Variants in CORO2B observed in about 807,000 individuals in gnomAD.
CORO2B encodes the protein coronin-2B.
A neutral mutation model predicts 58.8 loss-of-function variants in CORO2B; 26 were observed. The observed-to-expected ratio is 0.44, with a 90% CI of 0.32 to 0.61. The LOEUF is 0.61. Ranked by LOEUF, CORO2B falls within the 20% of genes least tolerant of loss-of-function variation. The pLI is 0.04. For missense variants in CORO2B, 460 were observed against 645.1 expected (o/e 0.71, Z 3.11); for synonymous variants, 242 against 253.8 (o/e 0.95, Z 0.44).
chr15:68,637,233 TCTCA>T (rs1328512440), intron 1 of CORO2B, among the ~76,000 whole-genome samples: 1 of 152,230 alleles, frequency 6.6e-6, no homozygotes, highest in Non-Finnish European at 1.5e-5. Context: ...TGTTTGGCTT[TCTCA>T]TTTTACAAAG....
Position 68,727,540 on chromosome 15 carries a change from G to A in CORO2B, c.*1566G>A, listed in dbSNP as rs923513037. ...CCTGCTTTTCCCATGGCCGCCCTAC[G>A]GAAAATCCCATCCACAGAGGCCAGG... is the stretch of plus-strand genomic sequence containing the variant. On this transcript the variant is annotated 3_prime_UTR_variant, in exon 12 of 12. Coordinates refer to ENST00000261861, the MANE Select transcript of CORO2B (RefSeq NM_006091.5). 6.6e-6 allele frequency: 1 copy of A among 152,112 alleles called. No individual in the cohort carries two copies. Among genetic ancestry groups the A allele is most frequent in the Non-Finnish European group, 1.5e-5 (1 of 68,000 alleles). 9.4% of individuals were successfully genotyped at this position (152,112 alleles called of 1,614,324 possible). A position where few individuals can be genotyped will look rare whatever the true frequency, so the allele number is the denominator to read the frequency against.
chr15:68,621,904 A>G (rs1264650300), intron 1 of CORO2B, among the ~76,000 whole-genome samples: 1 of 151,794 alleles, frequency 6.6e-6, no homozygotes, highest in African/African-American at 2.4e-5. Flanking sequence ...CTATAGGCAC[A>G]TGCCACCATG....
At chr15:68,593,201 T>A (rs1237226760) in intron 1 of CORO2B, among the ~76,000 whole-genome samples, 1 of 152,234 alleles carries the variant, frequency 6.6e-6, no homozygotes, top group Admixed American at 6.5e-5. Context: ...CTCTTAATAC[T>A]GTTACATTGG....
rs746747208 is a variant in CORO2B, at chr15:68,710,932, G to A, written c.483+51G>A. 9 of 1,526,072 alleles carry A rather than the reference G, an allele frequency of 5.9e-6. No individual in the cohort carries two copies. Among genetic ancestry groups the A allele is most frequent in the Non-Finnish European group, 8.0e-6 (9 of 1,130,684 alleles). 94.5% of individuals were successfully genotyped at this position (1,526,072 alleles called of 1,614,324 possible). On this transcript the variant is annotated intron_variant, in intron 4 of 11. Transcript: ENST00000261861. This position sits in a 1 kb window ranked among gnomAD's most constrained non-coding sequence, Gnocchi z 4.1. ...GGAGAGGGATTGGGGAAGAGAAAGG[G>A]GCCTTTTGGGTACCCGTAGGAAGCA...
chr15:68,573,212 T>C, the CORO2B span, among the ~76,000 whole-genome samples: 24 of 151,656 alleles, frequency 1.6e-4, no homozygotes, highest in Admixed American at 1.4e-3. Context: ...GCATCCCCCA[T>C]GCCAAAGTCG....
chr15:68,593,121 C>T (rs1899745355), intron 1 of CORO2B, among the ~76,000 whole-genome samples: 1 of 152,134 alleles, frequency 6.6e-6, no homozygotes, highest in Admixed American at 6.6e-5. Flanking sequence ...AGCCCACTCC[C>T]AGGATAATCA....
chr15:68,550,914 G>T, the CORO2B span, among the ~76,000 whole-genome samples: 1 of 152,304 alleles, frequency 6.6e-6, no homozygotes, highest in East Asian at 1.9e-4. Flanking sequence ...CCCAGAGGGG[G>T]ACACCTGAGC....
chr15:68,722,276 CA>C (rs1893180168), intron 11 of CORO2B, among the ~76,000 whole-genome samples: 1 of 151,060 alleles, frequency 6.6e-6, no homozygotes, highest in South Asian at 2.1e-4. Flanking sequence ...TCAGAGCAGA[CA>C]AAACAGATGC....
In CORO2B at chr15:68,707,686, T is replaced by C. The variant is rs140892536; in HGVS notation, c.334-3046T>C. 1.1e-3 allele frequency among the ~76,000 whole-genome samples: 174 copies of C among 152,322 alleles called. 1 individual carries two copies. Among genetic ancestry groups the C allele is most frequent in the African/African-American group, 3.9e-3 (161 of 41,562 alleles). On this transcript the variant is annotated intron_variant, in intron 3 of 11. Transcript: ENST00000261861. The stretch of plus-strand genomic sequence containing the variant: ...GTAAAAAGAAAGAAGTGTGTGTGTC[T>C]ATATGTCTGTGTCTGCGATAGGTGG...
chr15:68,597,617 T>TC (rs369286922), intron 1 of CORO2B, among the ~76,000 whole-genome samples: 9,638 of 139,108 alleles, frequency 0.069, 327 homozygotes, highest in African/African-American at 0.086. Context: ...AATTTCTGTT[T>TC]CCCCCCCATC....
intron 2 of CORO2B, among the ~76,000 whole-genome samples, chr15:68,675,156 A>G (rs1419105634): frequency 1.3e-5 from 2 of 152,216 alleles, no homozygotes; most frequent in African/African-American, 4.8e-5. Context: ...GGTAATCTGA[A>G]GAAGGCAGCC....
intron 1 of CORO2B, among the ~76,000 whole-genome samples, chr15:68,636,718 C>T (rs1479916432): frequency 6.6e-6 from 1 of 152,208 alleles, no homozygotes; most frequent in Non-Finnish European, 1.5e-5. Context: ...AGTCCCTGTA[C>T]ACCCCACCCA....
chr15:68,556,345 C>T, the CORO2B span, among the ~76,000 whole-genome samples: 31 of 152,224 alleles, frequency 2.0e-4, no homozygotes, highest in Admixed American at 1.6e-3. Flanking sequence ...AGCTGGGTGG[C>T]GTCATTGCTG....
intron 2 of CORO2B, among the ~76,000 whole-genome samples, chr15:68,649,985 C>T (rs1282473357): frequency 6.6e-6 from 1 of 152,064 alleles, no homozygotes. Context: ...TCCAGAGGTC[C>T]CCAGACCATA....
intron 1 of CORO2B, among the ~76,000 whole-genome samples, chr15:68,641,284 C>T (rs906769102): frequency 6.6e-6 from 1 of 152,188 alleles, no homozygotes; most frequent in Non-Finnish European, 1.5e-5. Context: ...CCCCAGGATG[C>T]AGCATCCAGC....
chr15:68,571,895 C>T, the CORO2B span, among the ~76,000 whole-genome samples: 2 of 152,200 alleles, frequency 1.3e-5, no homozygotes, highest in African/African-American at 2.4e-5. Flanking sequence ...GCTGGGAGCT[C>T]AGTGCAGGGA....
At chr15:68,607,527 G>T (rs1900155599) in intron 1 of CORO2B, among the ~76,000 whole-genome samples, 1 of 152,086 alleles carries the variant, frequency 6.6e-6, no homozygotes, top group South Asian at 2.1e-4. Context: ...TTTGTAAAGA[G>T]CTTCTTTGGG....
At position 68,719,656 on chromosome 15, in the gene CORO2B, T is replaced by C. The variant is rs1199161647; in HGVS notation, c.1311+104T>C. On this transcript the variant is annotated intron_variant, in intron 11 of 11. Transcript: ENST00000261861. ...TAAGCCAGTTCCATTCTGAGACATTTTTCTTTCTGTGACAAATGCCATAAG... is the reference window on the plus strand; with the variant it reads ...TAAGCCAGTTCCATTCTGAGACATTCTTCTTTCTGTGACAAATGCCATAAG... 3 of 1,330,200 alleles carry C rather than the reference T, an allele frequency of 2.3e-6. No homozygotes were observed. The African/African-American group carries it at 4.4e-5, about 20-fold the overall frequency. 82.4% of individuals were successfully genotyped at this position (1,330,200 alleles called of 1,614,324 possible). A position where few individuals can be genotyped will look rare whatever the true frequency, so the allele number is the denominator to read the frequency against.
rs1452862217 is a variant in CORO2B at position 68,645,950 on chromosome 15, T to A, written c.216+590T>A. On this transcript the variant is annotated intron_variant, in intron 2 of 11. Coordinates refer to ENST00000261861, the MANE Select transcript of CORO2B (RefSeq NM_006091.5). The surrounding 1 kb of genome is among the most constrained non-coding windows in gnomAD (Gnocchi z 4.5). ...CACCACGCCCAGCTAATTTTTGTAT[T>A]TTCAGTAGAGATGGGGTTTCACCAT... Among the ~76,000 whole-genome samples, 2 of 152,086 alleles carry A rather than the reference T, an allele frequency of 1.3e-5. No homozygotes were observed. The highest frequency in any genetic ancestry group is 3.9e-4 in the East Asian group (2 of 5,168).
Sources: gnomAD v4.1 joint callset for allele counts (sites outside exome capture counted in the v4.1 genomes callset) on GRCh38, gnomAD v4.1.1 for gene constraint, Gnocchi (gnomAD v3.1) non-coding constraint, MANE v1.5 for transcripts, NCBI Gene and HGNC (gene_info 2026-07-23, HGNC 2026-07-21) for gene names.